Variants in INSL6 observed in about 807,000 individuals in gnomAD.
The protein encoded by INSL6 is insulin-like peptide INSL6.
A neutral mutation model predicts 9.4 loss-of-function variants in INSL6; 16 were observed. That is an observed-to-expected ratio of 1.70 (90% CI 1.15 to 2.59). The LOEUF (loss-of-function observed/expected upper bound fraction) is 2.59, where lower values mean the gene tolerates loss of function less well. Among genes scored for constraint, INSL6 ranks in the 30% most tolerant of loss-of-function variants. The pLI is 0.00. For synonymous variants in INSL6, 154 were observed against 96.9 expected (o/e 1.59, Z -3.46); for missense variants, 391 against 257.3 (o/e 1.52, Z -3.56).
At chr9:5,158,930 C>T (rs756601205), downstream of INSL6, among the ~76,000 whole-genome samples, 3 of 151,914 alleles carry the variant, frequency 2.0e-5, no homozygotes, top group Non-Finnish European at 4.4e-5. Flanking sequence ...ATAATGACTA[C>T]AAGAACTTTT....
the INSL6 span, among the ~76,000 whole-genome samples, chr9:5,033,525 G>C: frequency 6.6e-6 from 1 of 152,224 alleles, no homozygotes; most frequent in Non-Finnish European, 1.5e-5. Flanking sequence ...AAGCCCATCA[G>C]ACTAACAGCA....
the INSL6 span, chr9:5,111,179 C>T: frequency 1.4e-6 from 1 of 708,732 alleles, no homozygotes; most frequent in South Asian, 1.5e-5. Context: ...AGCCACTCTC[C>T]ATTCACATTC....
the INSL6 span, chr9:5,112,081 TAGA>T: frequency 1.6e-5 from 6 of 381,242 alleles, no homozygotes; most frequent in East Asian, 4.7e-4. Context: ...GAGAGTAAGA[TAGA>T]AGACCACCTA....
At chr9:5,092,798 C>T in the INSL6 span, among the ~76,000 whole-genome samples, 12,955 of 152,174 alleles carry the variant, frequency 0.085, 1,633 homozygotes, top group African/African-American at 0.28. Context: ...ATCAAGCCTG[C>T]TGATAGCTGG....
chr9:5,100,583 A>AC, the INSL6 span: 1 of 151,982 alleles, frequency 6.6e-6, no homozygotes, highest in African/African-American at 2.4e-5. Flanking sequence ...GAGGACACTG[A>AC]CCCCCCAACA....
At chr9:5,023,913 T>A in the INSL6 span, among the ~76,000 whole-genome samples, 2 of 152,068 alleles carry the variant, frequency 1.3e-5, no homozygotes, top group South Asian at 4.1e-4. Context: ...GCTTTTAAGA[T>A]TTTTTAGCTT....
chr9:5,120,170 G>C (rs910481321), downstream of INSL6, among the ~76,000 whole-genome samples: 1 of 152,216 alleles, frequency 6.6e-6, no homozygotes, highest in East Asian at 1.9e-4. Context: ...CTTCAGAGAG[G>C]AGGAACACCA....
the INSL6 span, chr9:5,109,234 C>T: frequency 6.6e-6 from 1 of 152,154 alleles, no homozygotes; most frequent in Non-Finnish European, 1.5e-5. Flanking sequence ...AATATTTATA[C>T]ATGTTACACC....
chr9:5,005,610 C>G, the INSL6 span, among the ~76,000 whole-genome samples: 1 of 152,000 alleles, frequency 6.6e-6, no homozygotes, highest in Non-Finnish European at 1.5e-5. Flanking sequence ...GAGAGAGATT[C>G]CAGTGTAATT....
chr9:5,172,260 T>C (rs908748903), intron 1 of INSL6, among the ~76,000 whole-genome samples: 3 of 151,522 alleles, frequency 2.0e-5, no homozygotes, highest in African/African-American at 7.3e-5. Context: ...ATTTAATAAA[T>C]GGTGCTGGGA....
intron 3 of INSL6, among the ~76,000 whole-genome samples, chr9:5,132,613 A>AT (rs1824312469): frequency 6.6e-6 from 1 of 152,088 alleles, no homozygotes; most frequent in South Asian, 2.1e-4. Context: ...ATAGACATTC[A>AT]CCCATCAATA....
Position 5,185,480 on chromosome 9 carries a change from T to G in INSL6, c.123A>C (p.Ile41=), listed in dbSNP as rs1259311898. ...AGTTGGCATGGCCGCAGAGTTTTTC[T>G]ATTTCTTTCACCAAGTACCTGCCGC... ...KLCGRYLVKE[I]EKLCGHANWS... Residue 41 remains isoleucine, a synonymous_variant, in exon 1 of 2, where the codon ATA becomes ATC. Coordinates refer to ENST00000381641, the MANE Select transcript of INSL6 (RefSeq NM_007179.3). 1 of 1,614,076 alleles carries G rather than the reference T, an allele frequency of 6.2e-7. No homozygotes were observed. The highest frequency in any genetic ancestry group is 8.5e-7 in the Non-Finnish European group (1 of 1,180,032).
At chr9:5,105,728 G>A in the INSL6 span, among the ~76,000 whole-genome samples, 1 of 152,092 alleles carries the variant, frequency 6.6e-6, no homozygotes, top group Admixed American at 6.5e-5. Context: ...TAGACCAATG[G>A]AACAGAACAG....
the INSL6 span, among the ~76,000 whole-genome samples, chr9:5,013,764 G>A: frequency 6.6e-6 from 1 of 151,912 alleles, no homozygotes; most frequent in Non-Finnish European, 1.5e-5. Flanking sequence ...TTGTCATTTT[G>A]TAGCACTTAA....
At chr9:5,048,909 T>C in the INSL6 span, among the ~76,000 whole-genome samples, 14 of 152,270 alleles carry the variant, frequency 9.2e-5, no homozygotes, top group East Asian at 9.7e-4. Context: ...TCTTACCTTT[T>C]TTTCTACAAA....
At chr9:5,145,634 T>G (rs1457123315) in intron 2 of INSL6, among the ~76,000 whole-genome samples, 2 of 152,238 alleles carry the variant, frequency 1.3e-5, no homozygotes, top group Admixed American at 1.3e-4. Flanking sequence ...ATCCCATATT[T>G]CTTGGAAGGT....
the INSL6 span, among the ~76,000 whole-genome samples, chr9:5,058,647 C>T: frequency 3.5e-4 from 54 of 152,246 alleles, no homozygotes; most frequent in African/African-American, 1.0e-3. Context: ...TCCATAGCAG[C>T]GGCACCATTT....
chr9:5,032,995 TG>T, the INSL6 span, among the ~76,000 whole-genome samples: 1 of 151,936 alleles, frequency 6.6e-6, no homozygotes, highest in Non-Finnish European at 1.5e-5. Flanking sequence ...TTAAAAACCT[TG>T]AAAAAAAATT....
chr9:5,028,827 A>G, the INSL6 span, among the ~76,000 whole-genome samples: 5 of 152,264 alleles, frequency 3.3e-5, no homozygotes, highest in African/African-American at 9.6e-5. Flanking sequence ...TTTGAAGACA[A>G]TTAGGGCCTT....
Sources: gnomAD v4.1 joint callset for allele counts (sites outside exome capture counted in the v4.1 genomes callset) on GRCh38, gnomAD v4.1.1 for gene constraint, MANE v1.5 for transcripts, NCBI Gene and HGNC (gene_info 2026-07-23, HGNC 2026-07-21) for gene names.